Variants in CSGALNACT1 observed in about 807,000 individuals in gnomAD.
The protein encoded by CSGALNACT1 is beta4GalNAcT-1.
Under a neutral mutation model 51.0 loss-of-function variants are expected in CSGALNACT1, and 52 were observed. The observed-to-expected ratio is 1.02, with a 90% CI of 0.82 to 1.29. CSGALNACT1 has a LOEUF of 1.29. Ranked by LOEUF, CSGALNACT1 falls within the 50% of genes most tolerant of loss-of-function variation. The probability of loss-of-function intolerance (pLI) is 0.00; values close to 1 mark genes in which losing one functional copy is unlikely to be tolerated. For missense variants in CSGALNACT1, 935 were observed against 679.2 expected (o/e 1.38, Z -4.19); for synonymous variants, 341 against 254.4 (o/e 1.34, Z -3.24).
At chr8:19,544,021 T>C (rs142485696) in intron 3 of CSGALNACT1, among the ~76,000 whole-genome samples, 85 of 152,290 alleles carry the variant, frequency 5.6e-4, no homozygotes, top group African/African-American at 1.9e-3. Context: ...CCTCACGAAA[T>C]ACATCATAGC....
At chr8:19,460,098 A>AACACAC (rs1402789813) in intron 4 of CSGALNACT1, among the ~76,000 whole-genome samples, 1 of 152,084 alleles carries the variant, frequency 6.6e-6, no homozygotes, top group East Asian at 1.9e-4. Flanking sequence ...ACAGTCAGGA[A>AACACAC]ACACACACAC....
chr8:19,420,192 A>T, intron 7 of CSGALNACT1, 148 bp downstream of exon 6: 1 of 750,336 alleles, frequency 1.3e-6, no homozygotes, highest in Non-Finnish European at 2.3e-6. Context: ...GAACAGACTA[A>T]TACAGATGGT....
chr8:19,531,686 G>C (rs1310990905), intron 3 of CSGALNACT1: 5 of 152,186 alleles, frequency 3.3e-5, no homozygotes, highest in African/African-American at 1.2e-4. Flanking sequence ...TAGCCAAGGT[G>C]AAATTTTTTT....
chr8:19,620,595 C>T (rs2053693928), intron 1 of CSGALNACT1, among the ~76,000 whole-genome samples: 1 of 151,934 alleles, frequency 6.6e-6, no homozygotes. Flanking sequence ...CCAGGCCTGG[C>T]TAATTTATGT....
chr8:19,406,111 C>A, intron 9 of CSGALNACT1, 42 bp from the exon 9 acceptor site: 1 of 1,612,362 alleles, frequency 6.2e-7, no homozygotes, highest in South Asian at 1.1e-5. Flanking sequence ...CTGCACTGAT[C>A]TGTTTTGCTT....
chr8:19,460,062 T>A (rs1000407570), intron 4 of CSGALNACT1, among the ~76,000 whole-genome samples: 1 of 152,184 alleles, frequency 6.6e-6, no homozygotes, highest in Middle Eastern at 3.2e-3. Context: ...CCTTCCACTG[T>A]CTCTGGTATT....
At chr8:19,414,329 G>A (rs1212712444) in intron 8 of CSGALNACT1, among the ~76,000 whole-genome samples, 1 of 150,712 alleles carries the variant, frequency 6.6e-6, no homozygotes, top group Non-Finnish European at 1.5e-5. Context: ...TAAGATAGAA[G>A]TGGTAGGAGG....
At chr8:19,413,742 G>A (rs1190390005) in intron 8 of CSGALNACT1, among the ~76,000 whole-genome samples, 1 of 152,282 alleles carries the variant, frequency 6.6e-6, no homozygotes, top group East Asian at 1.9e-4. Flanking sequence ...AGATTTAACT[G>A]ACGGGTAAGA....
intron 4 of CSGALNACT1, among the ~76,000 whole-genome samples, chr8:19,476,203 T>A (rs905520959): frequency 6.6e-6 from 1 of 152,182 alleles, no homozygotes; most frequent in Non-Finnish European, 1.5e-5. Flanking sequence ...GAATAGATAA[T>A]ACATAGCCAA....
intron 5 of CSGALNACT1, among the ~76,000 whole-genome samples, chr8:19,451,551 T>C (rs941545652): frequency 1.1e-4 from 17 of 152,226 alleles, no homozygotes; most frequent in African/African-American, 3.6e-4. Context: ...AGCACCGTTC[T>C]AGAGCACAAA....
chr8:19,438,304 A>C (rs1198687388), intron 6 of CSGALNACT1, among the ~76,000 whole-genome samples: 1 of 152,206 alleles, frequency 6.6e-6, no homozygotes, highest in Non-Finnish European at 1.5e-5. Flanking sequence ...CATCCGGGAA[A>C]CTTTAAAGAA....
chr8:19,446,696 T>C (rs1372580871), intron 5 of CSGALNACT1, among the ~76,000 whole-genome samples: 1 of 152,134 alleles, frequency 6.6e-6, no homozygotes, highest in Non-Finnish European at 1.5e-5. Context: ...GTATTTTCAG[T>C]GGAGACAGGG....
chr8:19,423,938 G>A (rs2058366270), intron 6 of CSGALNACT1, among the ~76,000 whole-genome samples: 1 of 152,184 alleles, frequency 6.6e-6, no homozygotes, highest in African/African-American at 2.4e-5. Context: ...CTGTTTCCAT[G>A]TGGACCATAT....
intron 3 of CSGALNACT1, among the ~76,000 whole-genome samples, chr8:19,567,068 G>T (rs1308918492): frequency 2.0e-5 from 3 of 152,142 alleles, no homozygotes; most frequent in African/African-American, 7.2e-5. Context: ...AGTTTTCACT[G>T]GTCAATGCAA....
intron 4 of CSGALNACT1, among the ~76,000 whole-genome samples, chr8:19,491,253 A>G (rs1348685838): frequency 2.6e-5 from 4 of 152,220 alleles, no homozygotes; most frequent in Non-Finnish European, 5.9e-5. Context: ...ACAATATTCT[A>G]CTATAACGAT....
chr8:19,619,892 G>A (rs971067648), intron 1 of CSGALNACT1, among the ~76,000 whole-genome samples: 1 of 152,146 alleles, frequency 6.6e-6, no homozygotes, highest in African/African-American at 2.4e-5. Context: ...AGATTAACTC[G>A]GGCTCAAATC....
chr8:19,623,883 C>G (rs935620170), intron 1 of CSGALNACT1, among the ~76,000 whole-genome samples: 3 of 152,188 alleles, frequency 2.0e-5, no homozygotes, highest in Admixed American at 6.5e-5. Flanking sequence ...TGATTTCTCT[C>G]TTGTATTAAT....
At chr8:19,460,237 G>A (rs2065060264) in intron 4 of CSGALNACT1, among the ~76,000 whole-genome samples, 2 of 152,176 alleles carry the variant, frequency 1.3e-5, no homozygotes, top group African/African-American at 4.8e-5. Context: ...CCTTTTGAGA[G>A]TGAGAGAGAA....
upstream of CSGALNACT1, among the ~76,000 whole-genome samples, chr8:19,606,210 A>T (rs1319529186): frequency 2.0e-5 from 3 of 152,260 alleles, no homozygotes; most frequent in Non-Finnish European, 4.4e-5. Flanking sequence ...TGCCAACTAG[A>T]AGTTCCCAGT....
Sources: allele counts gnomAD v4.1 joint callset (sites outside exome capture counted in the v4.1 genomes callset), GRCh38; gene constraint gnomAD v4.1.1; transcripts MANE v1.5; gene names NCBI Gene and HGNC (gene_info 2026-07-23, HGNC 2026-07-21).